Variants in TANC2 observed in about 807,000 individuals in gnomAD.
TANC2 encodes the protein tetratricopeptide repeat, ankyrin repeat and coiled-coil containing 2.
Under a neutral mutation model 210.5 loss-of-function variants are expected in TANC2, and 26 were observed. That is an observed-to-expected ratio of 0.12 (90% CI 0.09 to 0.17). TANC2 has a LOEUF of 0.17. Among genes scored for constraint, TANC2 ranks in the 10% least tolerant of loss-of-function variants. The pLI is 1.00. For synonymous variants in TANC2, 931 were observed against 967.1 expected (o/e 0.96, Z 0.69); for missense variants, 2,129 against 2,608.9 (o/e 0.82, Z 4.01).
At chr17:63,020,203 C>T (rs1185322802) in intron 2 of TANC2, among the ~76,000 whole-genome samples, 1 of 152,272 alleles carries the variant, frequency 6.6e-6, no homozygotes, top group Non-Finnish European at 1.5e-5. Context: ...GCTTGGATTA[C>T]AGGTGTAAGC....
At chr17:63,128,183 C>T (rs2038782348) in intron 4 of TANC2, among the ~76,000 whole-genome samples, 2 of 152,028 alleles carry the variant, frequency 1.3e-5, no homozygotes, top group African/African-American at 4.8e-5. Flanking sequence ...TAAAAAAATG[C>T]TGTAACTGGA....
chr17:63,268,404 G>T (rs1314484704), intron 9 of TANC2, among the ~76,000 whole-genome samples: 1 of 152,162 alleles, frequency 6.6e-6, no homozygotes, highest in Non-Finnish European at 1.5e-5. Context: ...ACAAAATGTT[G>T]AGTAAAATTA....
intron 7 of TANC2, among the ~76,000 whole-genome samples, chr17:63,226,884 A>G (rs2042342716): frequency 1.3e-5 from 2 of 152,316 alleles, no homozygotes; most frequent in African/African-American, 2.4e-5. Flanking sequence ...TAGTTTGCTT[A>G]GGATAATGGC....
chr17:63,164,990 T>C lies in TANC2; in HGVS notation c.433+13610T>C, dbSNP rs754573173. Among the ~76,000 whole-genome samples, 43 of 152,284 alleles carry C rather than the reference T, an allele frequency of 2.8e-4. 1 individual carries two copies. The highest frequency in any genetic ancestry group is 5.6e-4 in the Non-Finnish European group (38 of 68,020). ...TGACAAATAAAATTAACCATCAGAA[T>C]GCACTGTCTGGCCAGGTGCAATGGC... On this transcript the variant is annotated intron_variant, in intron 5 of 27. Coordinates refer to ENST00000689528, the Ensembl canonical transcript of TANC2.
intron 11 of TANC2, among the ~76,000 whole-genome samples, chr17:63,337,539 T>C (rs7207534): frequency 0.24 from 35,756 of 151,666 alleles, 4,286 homozygotes; most frequent in South Asian, 0.31. Context: ...TTCTTTATAG[T>C]GCTACCCACA....
intron 9 of TANC2, among the ~76,000 whole-genome samples, chr17:63,291,919 A>G (rs2044393999): frequency 6.6e-6 from 1 of 152,242 alleles, no homozygotes; most frequent in Non-Finnish European, 1.5e-5. Context: ...GTGACAAATT[A>G]GTTGTAATGA....
At chr17:63,387,480 G>A (rs138083114) in intron 15 of TANC2, among the ~76,000 whole-genome samples, 2 of 152,184 alleles carry the variant, frequency 1.3e-5, no homozygotes, top group East Asian at 1.9e-4. Context: ...CTAGTATGCC[G>A]CATAAACACA....
At chr17:63,135,031 A>T (rs1234337193) in intron 4 of TANC2, among the ~76,000 whole-genome samples, 3 of 152,174 alleles carry the variant, frequency 2.0e-5, no homozygotes, top group African/African-American at 7.2e-5. Flanking sequence ...AGCCTGGGCA[A>T]CATAGTGAGA....
At chr17:63,425,279 T>C (rs1005450779) in exon 28 of TANC2, 4 of 152,224 alleles carry the variant, frequency 2.6e-5, no homozygotes, top group African/African-American at 7.2e-5. Flanking sequence ...CCCCAGGTCG[T>C]TGTCCAGATA....
chr17:63,378,681 A>G (rs1489886493), intron 14 of TANC2, among the ~76,000 whole-genome samples: 8 of 152,202 alleles, frequency 5.3e-5, no homozygotes, highest in African/African-American at 1.9e-4. Context: ...TAGCAAGGAG[A>G]TAATGGGGAA....
intron 9 of TANC2, chr17:63,305,211 T>G (rs1225869880): frequency 6.6e-6 from 1 of 152,262 alleles, no homozygotes; most frequent in African/African-American, 2.4e-5. Context: ...TGGTGTGGGC[T>G]CACGAGTAGG....
At chr17:63,262,221 C>T (rs1247072939) in intron 8 of TANC2, among the ~76,000 whole-genome samples, 1 of 152,192 alleles carries the variant, frequency 6.6e-6, no homozygotes, top group South Asian at 2.1e-4. Context: ...AAGAGTCTCA[C>T]TCTGTCGCCC....
intron 14 of TANC2, among the ~76,000 whole-genome samples, chr17:63,364,723 G>A (rs1472332858): frequency 6.6e-6 from 1 of 151,898 alleles, no homozygotes; most frequent in Admixed American, 6.6e-5. Context: ...GGAGTTCAAG[G>A]TTACAGTGAG....
At chr17:63,254,295 A>G (rs1372251998) in intron 8 of TANC2, among the ~76,000 whole-genome samples, 1 of 152,208 alleles carries the variant, frequency 6.6e-6, no homozygotes, top group Admixed American at 6.5e-5. Flanking sequence ...CTGTTGGCAC[A>G]TAGAAATGCT....
chr17:63,300,433 T>C (rs760252192), intron 9 of TANC2, among the ~76,000 whole-genome samples: 1 of 152,214 alleles, frequency 6.6e-6, no homozygotes, highest in Non-Finnish European at 1.5e-5. Context: ...TGTTTTTCCA[T>C]TCATGTCCTT....
intron 1 of TANC2, among the ~76,000 whole-genome samples, chr17:62,990,220 T>G (rs143208870): frequency 2.0e-5 from 3 of 152,254 alleles, no homozygotes; most frequent in African/African-American, 7.2e-5. Context: ...GAAATTTGGT[T>G]ATCCAGATGA....
chr17:63,059,131 T>G (rs1406339716), intron 2 of TANC2, among the ~76,000 whole-genome samples: 1 of 152,062 alleles, frequency 6.6e-6, no homozygotes, highest in Non-Finnish European at 1.5e-5. Flanking sequence ...ATTAATTTTT[T>G]TATGTTTTTT....
At chr17:63,110,834 CT>C (rs2038011198) in intron 4 of TANC2, among the ~76,000 whole-genome samples, 2 of 152,186 alleles carry the variant, frequency 1.3e-5, no homozygotes, top group Admixed American at 6.5e-5. Flanking sequence ...TGTTCTGTCT[CT>C]TACTTAGAGC....
At chr17:63,234,296 T>TCTTTAAATACTTTAAATACTTTAAATA (rs2042560637) in intron 7 of TANC2, among the ~76,000 whole-genome samples, 1 of 152,206 alleles carries the variant, frequency 6.6e-6, no homozygotes, top group Admixed American at 6.5e-5. Flanking sequence ...AGCTTATGTG[T>TCTTTAAATACTTTAAATACTTTAAATA]CTTTAAATAC....
Sources: allele counts gnomAD v4.1 joint callset (sites outside exome capture counted in the v4.1 genomes callset), GRCh38; gene constraint gnomAD v4.1.1; transcripts MANE v1.5; gene names NCBI Gene and HGNC (gene_info 2026-07-23, HGNC 2026-07-21).